The following SH3GL3 variants were observed in gnomAD, a reference collection of about 807,000 sequenced individuals.
The protein encoded by SH3GL3 is endophilin-A3.
A neutral mutation model predicts 47.7 loss-of-function variants in SH3GL3; 33 were observed. That is an observed-to-expected ratio of 0.69 (90% CI 0.52 to 0.92). The LOEUF is 0.92. Ranked by LOEUF, SH3GL3 falls within the 40% of genes least tolerant of loss-of-function variation. SH3GL3 has a pLI of 0.00. For synonymous variants in SH3GL3, 155 were observed against 148.8 expected, an observed-to-expected ratio of 1.04 and a Z score of -0.30; for missense variants, 363 against 417.8, an observed-to-expected ratio of 0.87 and a Z score of 1.14.
chr15:83,484,324 A>G (rs1476185764), intron 1 of SH3GL3, among the ~76,000 whole-genome samples: 2 of 152,182 alleles, frequency 1.3e-5, no homozygotes, highest in African/African-American at 4.8e-5. Context: ...TACTATTGAC[A>G]CAGTGGTATG....
intron 1 of SH3GL3, among the ~76,000 whole-genome samples, chr15:83,457,676 C>G (rs1280666616): frequency 6.6e-6 from 1 of 152,186 alleles, no homozygotes; most frequent in African/African-American, 2.4e-5. Flanking sequence ...TTATTTTTTT[C>G]TCTTAGACGC....
At chr15:83,500,566 G>A (rs1266683858) in intron 1 of SH3GL3, among the ~76,000 whole-genome samples, 2 of 152,326 alleles carry the variant, frequency 1.3e-5, no homozygotes, top group Admixed American at 6.5e-5. Context: ...CTGGCTTCTC[G>A]AGTGGCTGTC....
At chr15:83,616,909 A>G (rs1348757354) in intron 8 of SH3GL3, among the ~76,000 whole-genome samples, 1 of 152,242 alleles carries the variant, frequency 6.6e-6, no homozygotes, top group African/African-American at 2.4e-5. Flanking sequence ...TTAGTTGAAG[A>G]AATGTTACAT....
rs573524015 is a variant in SH3GL3, at chr15:83,447,645, G to A, written c.45+67G>A. On this transcript the variant is annotated intron_variant, in intron 1 of 8. Transcript: ENST00000427482. This position sits in a 1 kb window ranked among gnomAD's most constrained non-coding sequence, Gnocchi z 5.1. The stretch of plus-strand genomic sequence containing the variant: ...AGGCTGCGGCCCCCCGAGGCTCCCG[G>A]GCCTTTGGGACTCCTGTTCCCTGAA... The A allele has an allele frequency of 3.6e-5, 44 of 1,214,078 alleles. 1 individual carries two copies. The South Asian group carries it at 6.8e-4, about 19-fold the overall frequency. The allele number at this position is 1,214,078 out of a possible 1,614,324, so 75.2% of individuals were successfully genotyped here.
intron 6 of SH3GL3, among the ~76,000 whole-genome samples, chr15:83,582,956 T>A (rs2059868241): frequency 6.6e-6 from 1 of 152,216 alleles, no homozygotes; most frequent in Non-Finnish European, 1.5e-5. Flanking sequence ...ATTGGAAAAG[T>A]CATCTGTTTA....
At chr15:83,484,491 A>G (rs2041505976) in intron 1 of SH3GL3, among the ~76,000 whole-genome samples, 1 of 152,118 alleles carries the variant, frequency 6.6e-6, no homozygotes, top group Admixed American at 6.5e-5. Flanking sequence ...AAAAATCCAT[A>G]TTAAATCTAT....
intron 1 of SH3GL3, among the ~76,000 whole-genome samples, chr15:83,507,705 G>A (rs1404351797): frequency 6.6e-6 from 1 of 152,024 alleles, no homozygotes; most frequent in Non-Finnish European, 1.5e-5. Context: ...GTGAGCCACC[G>A]CGCCTGGCCT....
intron 1 of SH3GL3, among the ~76,000 whole-genome samples, chr15:83,537,251 C>A (rs1439741134): frequency 6.6e-6 from 1 of 152,170 alleles, no homozygotes; most frequent in Non-Finnish European, 1.5e-5. Context: ...TCTCTCAGAT[C>A]TCCACATCCA....
At chr15:83,569,769 G>A (rs1040633819) in intron 4 of SH3GL3, among the ~76,000 whole-genome samples, 14 of 152,126 alleles carry the variant, frequency 9.2e-5, no homozygotes, top group African/African-American at 2.9e-4. Flanking sequence ...TTTGGATCAC[G>A]TGTGAGGTGG....
At chr15:83,465,014 T>C (rs2040498645) in intron 1 of SH3GL3, among the ~76,000 whole-genome samples, 2 of 126,870 alleles carry the variant, frequency 1.6e-5, no homozygotes, top group African/African-American at 2.6e-5. Context: ...ATAATAATAA[T>C]AATAATAATA....
At chr15:83,584,421 T>C (rs1318721831) in intron 6 of SH3GL3, among the ~76,000 whole-genome samples, 4 of 152,194 alleles carry the variant, frequency 2.6e-5, no homozygotes, top group Non-Finnish European at 5.9e-5. Flanking sequence ...TTTGCAGGTT[T>C]GGGGAATTAA....
intron 1 of SH3GL3, among the ~76,000 whole-genome samples, chr15:83,506,583 T>C (rs1355561395): frequency 6.6e-6 from 1 of 152,226 alleles, no homozygotes; most frequent in African/African-American, 2.4e-5. Flanking sequence ...ATCCCTTTAA[T>C]ATTAACATAA....
At chr15:83,615,512 A>G (rs1018350071) in intron 8 of SH3GL3, among the ~76,000 whole-genome samples, 3 of 152,112 alleles carry the variant, frequency 2.0e-5, no homozygotes, top group Admixed American at 6.5e-5. Flanking sequence ...GGGTTTCACC[A>G]TGTTGGCCAG....
Position 83,447,560 on chromosome 15 carries a change from GT to G in SH3GL3, c.29del (p.Phe10SerfsTer12), listed in dbSNP as rs755761769. The G allele has an allele frequency of 6.6e-7, 1 of 1,508,584 alleles. No homozygotes were observed. The highest frequency in any genetic ancestry group is 8.9e-7 in the Non-Finnish European group (1 of 1,126,488). 93.4% of individuals were successfully genotyped at this position (1,508,584 alleles called of 1,614,324 possible). A position where few individuals can be genotyped will look rare whatever the true frequency, so the allele number is the denominator to read the frequency against. On this transcript the variant is annotated frameshift_variant, in exon 1 of 9. Transcript: ENST00000427482. LOFTEE classifies it high-confidence loss of function. This position sits in a 1 kb window ranked among gnomAD's most constrained non-coding sequence, Gnocchi z 5.1. ...TGTCGGTGGCCGGGCTGAAGAAGCA[GT>G]TCCACAAAGCCAGCCAGGTAGGGAG... Reference protein sequence around the residue: MSVAGLKKQFHKASQLFSEK... With the variant: MSVAGLKKQXHKASQLFSEK...
chr15:83,583,074 A>C (rs2059872134), intron 6 of SH3GL3, among the ~76,000 whole-genome samples: 1 of 152,238 alleles, frequency 6.6e-6, no homozygotes, highest in Non-Finnish European at 1.5e-5. Flanking sequence ...GTATTATTAC[A>C]CTGTAAATTG....
At chr15:83,466,703 C>T (rs1049412576) in intron 1 of SH3GL3, among the ~76,000 whole-genome samples, 1 of 152,208 alleles carries the variant, frequency 6.6e-6, no homozygotes, top group African/African-American at 2.4e-5. Flanking sequence ...TCTCCACATC[C>T]TCTCCACCAT....
chr15:83,596,908 T>A (rs1396940442), intron 8 of SH3GL3, among the ~76,000 whole-genome samples: 1 of 152,198 alleles, frequency 6.6e-6, no homozygotes, highest in Non-Finnish European at 1.5e-5. Context: ...TTGCTCTCTG[T>A]ACCTCTGTTT....
chr15:83,588,865 A>C (rs2060019381), intron 8 of SH3GL3, 94 bp downstream of exon 8: 2 of 712,400 alleles, frequency 2.8e-6, no homozygotes, highest in Non-Finnish European at 5.2e-6. Flanking sequence ...GTGAATACAC[A>C]CAGACCCTGG....
chr15:83,618,175 T>C lies in SH3GL3; in HGVS notation c.932T>C (p.Ile311Thr), dbSNP rs2060878986. The change falls in exon 9 of 9, where the codon ATC (isoleucine) becomes ACC (threonine). Residue 311 changes from isoleucine (I) to threonine (T), a missense_variant. Ile to Thr is a moderately conservative substitution (Grantham distance 89, BLOSUM62 -1). Coordinates refer to ENST00000427482, the MANE Select transcript of SH3GL3 (RefSeq NM_003027.5). The part of the protein sequence containing the change: ...QGELGFKEGD[I>T]ITLTNQIDEN... ...GAATTAGGATTTAAAGAAGGGGACA[T>C]CATTACATTAACCAATCAAATAGAT... is the stretch of plus-strand genomic sequence containing the variant. The C allele has an allele frequency of 6.2e-7, 1 of 1,610,270 alleles. No individual in the cohort carries two copies. Among genetic ancestry groups the C allele is most frequent in the Non-Finnish European group, 8.5e-7 (1 of 1,176,418 alleles).
Sources: allele counts gnomAD v4.1 joint callset (sites outside exome capture counted in the v4.1 genomes callset), GRCh38; gene constraint gnomAD v4.1.1; non-coding constraint Gnocchi (gnomAD v3.1); transcripts MANE v1.5; gene names NCBI Gene and HGNC (gene_info 2026-07-23, HGNC 2026-07-21).